MAGI1: variants seen among roughly 807,000 people sequenced by gnomAD.
The protein encoded by MAGI1 is membrane associated guanylate kinase, WW and PDZ domain containing 1.
Under a neutral mutation model 139.9 loss-of-function variants are expected in MAGI1, and 58 were observed. The ratio of observed to expected loss-of-function variants is 0.41; its 90% CI spans 0.34 to 0.52. The LOEUF (loss-of-function observed/expected upper bound fraction) is 0.52. Among genes scored for constraint, MAGI1 ranks in the 20% least tolerant of loss-of-function variants. The pLI is 0.12. For synonymous variants in MAGI1, 812 were observed against 737.9 expected (o/e 1.10, Z -1.63); for missense variants, 1,874 against 1,901.6 (o/e 0.99, Z 0.27).
In MAGI1 at chr3:65,656,350, C is replaced by T. The variant is rs140589822; in HGVS notation, c.314-34262G>A. ...CAAGGGTCTGTTCCATTTGGCCTCCCGAAGGGCTTAATATTGGAAATGAGG... is the reference window on the plus strand; with the variant it reads ...CAAGGGTCTGTTCCATTTGGCCTCCTGAAGGGCTTAATATTGGAAATGAGG... On this transcript the variant is annotated intron_variant, in intron 1 of 22. Coordinates refer to ENST00000402939, the MANE Select transcript of MAGI1 (RefSeq NM_001033057.2). Among the ~76,000 whole-genome samples, 812 of 152,174 alleles carry T rather than the reference C, an allele frequency of 5.3e-3. 6 individuals are homozygous for T. The highest frequency in any genetic ancestry group is 0.018 in the African/African-American group (749 of 41,506).
intron 2 of MAGI1, among the ~76,000 whole-genome samples, chr3:65,555,492 C>T (rs1247547207): frequency 1.3e-5 from 2 of 152,070 alleles, no homozygotes; most frequent in Admixed American, 6.5e-5. Flanking sequence ...ATGCCTGGTA[C>T]GTAGCACATG....
chr3:65,401,052 A>G (rs974669577), intron 13 of MAGI1, among the ~76,000 whole-genome samples: 12 of 152,094 alleles, frequency 7.9e-5, no homozygotes, highest in Non-Finnish European at 1.8e-4. Flanking sequence ...GTTGAGAGCA[A>G]TGCTACTCAC....
chr3:65,656,899 G>A (rs1009123320), intron 1 of MAGI1, among the ~76,000 whole-genome samples: 13 of 146,806 alleles, frequency 8.9e-5, no homozygotes, highest in Admixed American at 1.4e-4. Flanking sequence ...TCGGGAGGCT[G>A]AGGCAGCAGA....
intron 14 of MAGI1, among the ~76,000 whole-genome samples, chr3:65,384,782 TGTG>T (rs1358956922): frequency 9.8e-6 from 1 of 101,986 alleles, no homozygotes; most frequent in Non-Finnish European, 2.3e-5. Context: ...TAGGAAGGGG[TGTG>T]TGTGTGTGTG....
In MAGI1 at chr3:65,374,403, C is replaced by T. The variant is rs147703359; in HGVS notation, c.3196+1342G>A. ...CGCAATCTCGGCTCACTGCAACCTCCGCCTCCCAGGCTCAAGCGATTCTTC... is the reference window on the plus strand; with the variant it reads ...CGCAATCTCGGCTCACTGCAACCTCTGCCTCCCAGGCTCAAGCGATTCTTC... On this transcript the variant is annotated intron_variant, in intron 18 of 22. Transcript: ENST00000402939. Among the ~76,000 whole-genome samples, 959 of 150,762 alleles carry T rather than the reference C, an allele frequency of 6.4e-3. 8 individuals are homozygous for T. Among genetic ancestry groups the T allele is most frequent in the African/African-American group, 0.022 (920 of 41,040 alleles).
Position 65,678,439 on chromosome 3 carries a change from A to G in MAGI1, c.314-56351T>C, listed in dbSNP as rs182242254. Among the ~76,000 whole-genome samples the G allele has an allele frequency of 2.2e-4, 33 of 152,314 alleles. No individual in the cohort carries two copies. The East Asian group carries it at 6.0e-3, about 28-fold the overall frequency. ...TTAAGTATCTACTCTGCAAACCAAG[A>G]AATTAAATCAAGCTTTGTTGCTAAC... is the stretch of plus-strand genomic sequence containing the variant. On this transcript the variant is annotated intron_variant, in intron 1 of 22. Transcript: ENST00000402939.
At chr3:65,410,724 T>C (rs976111296) in intron 12 of MAGI1, among the ~76,000 whole-genome samples, 3 of 152,078 alleles carry the variant, frequency 2.0e-5, no homozygotes, top group African/African-American at 7.2e-5. Flanking sequence ...TCTTAACACA[T>C]CCCTGATATT....
intron 1 of MAGI1, among the ~76,000 whole-genome samples, chr3:65,731,663 TAAA>T (rs35714265): frequency 1.8e-5 from 2 of 112,924 alleles, no homozygotes; most frequent in African/African-American, 3.1e-5. Flanking sequence ...TCAAAAAATT[TAAA>T]AAAAAAAAAA....
intron 1 of MAGI1, among the ~76,000 whole-genome samples, chr3:65,795,162 A>G (rs1424530757): frequency 6.6e-6 from 1 of 152,258 alleles, no homozygotes; most frequent in Non-Finnish European, 1.5e-5. Flanking sequence ...TGAGAAAAGG[A>G]CATTTATGTT....
chr3:65,414,355 G>A (rs528816493), intron 12 of MAGI1, among the ~76,000 whole-genome samples: 12 of 152,350 alleles, frequency 7.9e-5, no homozygotes, highest in East Asian at 1.9e-4. Flanking sequence ...ATAAAAGGGC[G>A]TGACTAATAG....
At position 65,437,281 on chromosome 3, in the gene MAGI1, C is replaced by T. The variant is rs770013405; in HGVS notation, c.1271-34G>A. ...AAGAAAAGAAAGTTTCCTATTTTTC[C>T]TTCAAATGGCTCATTGAGTTACTTA... is the stretch of plus-strand genomic sequence containing the variant. On this transcript the variant is annotated intron_variant, in intron 9 of 22. Coordinates refer to ENST00000402939, the MANE Select transcript of MAGI1 (RefSeq NM_001033057.2). 23 of 1,364,754 alleles carry T rather than the reference C, an allele frequency of 1.7e-5. No individual in the cohort carries two copies. In the South Asian group the frequency reaches 2.7e-4, roughly 16 times the overall value. 84.5% of individuals were successfully genotyped at this position (1,364,754 alleles called of 1,614,324 possible).
chr3:65,356,509 T>G lies in MAGI1; in HGVS notation c.4258A>C (p.Arg1420=). 6.2e-7 allele frequency: 1 copy of G among 1,609,922 alleles called. No individual in the cohort carries two copies. The highest frequency in any genetic ancestry group is 8.5e-7 in the Non-Finnish European group (1 of 1,179,518). ...TCTCGGTGGCTGGCTCTGTCCTCTC[T>G]GTTCCTTTTGTCCAGGGACCGCTCT... ...RRERSLDKRN[R]EDRASHRERE... The change falls in exon 23 of 23, where the codon AGA becomes CGA. Residue 1420 remains arginine, a synonymous_variant. Coordinates refer to ENST00000402939, the MANE Select transcript of MAGI1 (RefSeq NM_001033057.2).
At chr3:65,700,214 C>T (rs767579769) in intron 1 of MAGI1, among the ~76,000 whole-genome samples, 4 of 152,018 alleles carry the variant, frequency 2.6e-5, no homozygotes, top group South Asian at 4.2e-4. Flanking sequence ...GAGGCCGAGG[C>T]GGGCAGATCA....
At chr3:65,753,428 G>A (rs1049836828) in intron 1 of MAGI1, among the ~76,000 whole-genome samples, 6 of 152,094 alleles carry the variant, frequency 3.9e-5, no homozygotes, top group Admixed American at 2.0e-4. Flanking sequence ...TATTGGTAAA[G>A]AAACTAAGAG....
At chr3:65,516,471 C>A (rs1220875498) in intron 2 of MAGI1, among the ~76,000 whole-genome samples, 2 of 152,020 alleles carry the variant, frequency 1.3e-5, no homozygotes, top group Non-Finnish European at 2.9e-5. Flanking sequence ...GCCACCGTGC[C>A]TGGCCGACCC....
At chr3:65,610,900 CTATATAG>C (rs1481025476) in intron 2 of MAGI1, among the ~76,000 whole-genome samples, 1 of 136,262 alleles carries the variant, frequency 7.3e-6, no homozygotes, top group African/African-American at 2.7e-5. Context: ...ATAGTATATA[CTATATAG>C]TATATAGACA....
intron 1 of MAGI1, among the ~76,000 whole-genome samples, chr3:65,638,532 T>G (rs2084778756): frequency 6.7e-6 from 1 of 149,506 alleles, no homozygotes; most frequent in Admixed American, 6.7e-5. Context: ...CAGAATTTCC[T>G]TCCTTCCTCC....
At chr3:65,849,530 T>C (rs1188519585) in intron 1 of MAGI1, among the ~76,000 whole-genome samples, 1 of 150,430 alleles carries the variant, frequency 6.6e-6, no homozygotes, top group South Asian at 2.1e-4. Flanking sequence ...TACATATATA[T>C]CATCAAATAT....
In MAGI1 at chr3:65,356,100, G is replaced by GACGA. The variant is rs1940181108; in HGVS notation, c.*277_*278insTCGT. On this transcript the variant is annotated 3_prime_UTR_variant, in exon 23 of 23. Transcript: ENST00000402939. ...AATTCTTGACGATTCTACAGGTTACGTAGAAACAAAATTTATATCCCTTTG... is the reference window on the plus strand; with the variant it reads ...AATTCTTGACGATTCTACAGGTTACGACGATAGAAACAAAATTTATATCCCTTTG... The GACGA allele has an allele frequency of 1.5e-5, 4 of 268,346 alleles. No homozygotes were observed. Among genetic ancestry groups the GACGA allele is most frequent in the Non-Finnish European group, 2.8e-5 (4 of 145,420 alleles). 16.6% of individuals were successfully genotyped at this position (268,346 alleles called of 1,614,324 possible).
Sources: allele counts gnomAD v4.1 joint callset (sites outside exome capture counted in the v4.1 genomes callset), GRCh38; gene constraint gnomAD v4.1.1; transcripts MANE v1.5; gene names NCBI Gene and HGNC (gene_info 2026-07-23, HGNC 2026-07-21).